The following CHRNB4 variants were observed in gnomAD, a reference collection of about 807,000 sequenced individuals.
The protein encoded by CHRNB4 is neuronal acetylcholine receptor subunit beta-4.
A neutral mutation model predicts 40.4 loss-of-function variants in CHRNB4; 23 were observed. The observed-to-expected ratio is 0.57, with a 90% CI of 0.41 to 0.81. The LOEUF (loss-of-function observed/expected upper bound fraction) is 0.81. Ranked by LOEUF, CHRNB4 falls within the 30% of genes least tolerant of loss-of-function variation. The pLI, the probability that CHRNB4 is intolerant of heterozygous loss-of-function variation, is 0.00. For missense variants in CHRNB4, 568 were observed against 670.6 expected, an observed-to-expected ratio of 0.85 and a Z score of 1.69; for synonymous variants, 285 against 274.4, an observed-to-expected ratio of 1.04 and a Z score of -0.38.
chr15:78,649,395 T>C (rs1297359344), exon 7 of CHRNB4: 1 of 455,332 alleles, frequency 2.2e-6, no homozygotes, highest in African/African-American at 2.0e-5. Context: ...CAATATGATC[T>C]GGAGCTGGGG....
chr15:78,661,165 AC>A, upstream of CHRNB4: 2 of 621,964 alleles, frequency 3.2e-6, no homozygotes, highest in South Asian at 2.7e-5. Flanking sequence ...ATGCCGGTAC[AC>A]CTCTTGGCCC....
At chr15:78,632,209 CT>C (rs1555422162) in intron 2 of CHRNB4, among the ~76,000 whole-genome samples, 1 of 84,754 alleles carries the variant, frequency 1.2e-5, no homozygotes, top group Non-Finnish European at 2.0e-5. Context: ...TTCTTTCTTT[CT>C]TTCTCTTTCT....
At chr15:78,630,038 T>A in intron 4 of CHRNB4, 93 bp from the exon 5 acceptor site, 1 of 1,363,744 alleles carries the variant, frequency 7.3e-7, no homozygotes, top group South Asian at 1.6e-5. Flanking sequence ...TTGGGATTAT[T>A]TCCCACTAAT....
chr15:78,648,855 T>C (rs1283745875), intron 7 of CHRNB4, among the ~76,000 whole-genome samples: 1 of 151,948 alleles, frequency 6.6e-6, no homozygotes, highest in Non-Finnish European at 1.5e-5. Context: ...CACTGCTCAC[T>C]GCTGCATCAA....
rs1271906998 is a variant in CHRNB4 at position 78,634,189 on chromosome 15, C to G, written c.204+1250G>C. 2.0e-5 allele frequency among the ~76,000 whole-genome samples: 3 copies of G among 152,180 alleles called. No individual in the cohort carries two copies. The East Asian group carries it at 5.8e-4, about 29-fold the overall frequency. ...AACTTGCATGGGTGGGGGCTGGTGG[C>G]CGCATCCCCTCCTCCTTCTGGTAGC... On this transcript the variant is annotated intron_variant, in intron 2 of 5. Coordinates refer to ENST00000261751, the MANE Select transcript of CHRNB4 (RefSeq NM_000750.5).
At chr15:78,633,920 G>A (rs1277029265) in intron 2 of CHRNB4, among the ~76,000 whole-genome samples, 3 of 143,276 alleles carry the variant, frequency 2.1e-5, no homozygotes, top group Admixed American at 7.0e-5. Context: ...AATAAGGGGG[G>A]CTGGAGAGGT....
Position 78,625,190 on chromosome 15 carries a change from C to T in CHRNB4, c.1440G>A (p.Pro480=), listed in dbSNP as rs373085107. ...AAGCTGCATGGGTCTGGAAGAGGGG[C>T]GGTAGGAAGAGCCCCACAGTGCCCA... The part of the protein sequence containing the change: ...CVLGTVGLFL[P]PLFQTHAASE... Residue 480 remains proline (P), a synonymous_variant, in exon 6 of 6, where the codon CCG becomes CCA. Transcript: ENST00000261751. 5.5e-5 allele frequency: 89 copies of T among 1,610,576 alleles called. No homozygotes were observed. The Middle Eastern group carries it at 8.3e-4, about 15-fold the overall frequency.
In CHRNB4 at chr15:78,640,790, A is replaced by G. The variant is rs747137375; in HGVS notation, c.55+289T>C. On this transcript the variant is annotated intron_variant, in intron 1 of 5. Coordinates refer to ENST00000261751, the MANE Select transcript of CHRNB4 (RefSeq NM_000750.5). The stretch of plus-strand genomic sequence containing the variant: ...GGTGCCTGCAAAGCCGGTGTCATCC[A>G]GCCCACTGCCCAGCCCACAGACACT... Among the ~76,000 whole-genome samples, 27 of 152,330 alleles carry G rather than the reference A, an allele frequency of 1.8e-4. 1 individual carries two copies. Among genetic ancestry groups the G allele is most frequent in the Non-Finnish European group, 2.8e-4 (19 of 68,028 alleles).
chr15:78,661,445 A>G, upstream of CHRNB4: 1 of 510,916 alleles, frequency 2.0e-6, no homozygotes, highest in South Asian at 1.7e-5. Context: ...GGTTGGTGCG[A>G]CTCATAAACA....
At chr15:78,655,802 T>C (rs2054209113) in intron 4 of CHRNB4, 1 of 152,208 alleles carries the variant, frequency 6.6e-6, no homozygotes, top group African/African-American at 2.4e-5. Flanking sequence ...TGGAATTACA[T>C]TGAGTATATA....
chr15:78,635,389 T>C lies in CHRNB4; in HGVS notation c.204+50A>G, dbSNP rs767582044. 5 of 1,598,592 alleles carry C rather than the reference T, an allele frequency of 3.1e-6. No homozygotes were observed. In the East Asian group the frequency reaches 6.7e-5, roughly 21 times the overall value. Reference sequence around the variant, plus strand: ...CCAATGATCGCCTGGGGCTTGGGCATGAGCGGCCTCTCCACCTGAGCCTGA... The same window carrying C: ...CCAATGATCGCCTGGGGCTTGGGCACGAGCGGCCTCTCCACCTGAGCCTGA... On this transcript the variant is annotated intron_variant, in intron 2 of 5. Coordinates refer to ENST00000261751, the MANE Select transcript of CHRNB4 (RefSeq NM_000750.5).
chr15:78,648,914 G>C (rs75803371), intron 7 of CHRNB4, among the ~76,000 whole-genome samples: 3 of 152,070 alleles, frequency 2.0e-5, no homozygotes, highest in African/African-American at 7.2e-5. Flanking sequence ...AAGTAGCTGA[G>C]ACCACAACCA....
At chr15:78,628,620 C>T (rs1034093129) in intron 5 of CHRNB4, among the ~76,000 whole-genome samples, 8 of 152,230 alleles carry the variant, frequency 5.3e-5, no homozygotes, top group Middle Eastern at 3.4e-3. Flanking sequence ...CGGGTACCCA[C>T]GGCAGTATCC....
chr15:78,660,865 C>T (rs2141415082), upstream of CHRNB4: 1 of 355,978 alleles, frequency 2.8e-6, no homozygotes, highest in Non-Finnish European at 5.4e-6. Context: ...CTCCATCCAG[C>T]TCAGGTGAGT....
intron 1 of CHRNB4, among the ~76,000 whole-genome samples, chr15:78,659,199 C>G (rs2054234553): frequency 6.6e-6 from 1 of 152,138 alleles, no homozygotes; most frequent in Non-Finnish European, 1.5e-5. Flanking sequence ...GAGCCTGAAG[C>G]AGGTGGGTCA....
chr15:78,638,548 C>A (rs2141393860), intron 1 of CHRNB4, among the ~76,000 whole-genome samples: 1 of 152,190 alleles, frequency 6.6e-6, no homozygotes, highest in East Asian at 1.9e-4. Flanking sequence ...CCCCACAGAG[C>A]CTGGAAATGG....
At chr15:78,643,000 G>A (rs2054094202), upstream of CHRNB4, among the ~76,000 whole-genome samples, 1 of 151,780 alleles carries the variant, frequency 6.6e-6, no homozygotes, top group Non-Finnish European at 1.5e-5. Flanking sequence ...ATATAAAGGG[G>A]GAAAATAACC....
rs759435498 is a variant in CHRNB4 at position 78,629,195 on chromosome 15, G to A, written c.1110C>T (p.Pro370=). The part of the protein sequence containing the change: ...FPPSKSCVTK[P]EATATSTSPS... ...GGCTGGTGGAGGTGGCGGTGGCCTC[G>A]GGCTTGGTCACGCATGACTTGCTGG... The change falls in exon 5 of 6, where the codon CCC becomes CCT. Residue 370 remains proline, a synonymous_variant. Transcript: ENST00000261751. The surrounding 1 kb of genome is among the most constrained non-coding windows in gnomAD (Gnocchi z 6.8). The A allele has an allele frequency of 1.4e-5, 23 of 1,613,680 alleles. No individual in the cohort carries two copies. Among genetic ancestry groups the A allele is most frequent in the Middle Eastern group, 1.6e-4 (1 of 6,084 alleles).
chr15:78,631,471 G>A, intron 2 of CHRNB4, 139 bp from the exon 3 acceptor site: 1 of 735,522 alleles, frequency 1.4e-6, no homozygotes, highest in Non-Finnish European at 2.3e-6. Flanking sequence ...TGGCCCAAAG[G>A]CATGTCACAC....
Sources: gnomAD v4.1 joint callset for allele counts (sites outside exome capture counted in the v4.1 genomes callset) on GRCh38, gnomAD v4.1.1 for gene constraint, Gnocchi (gnomAD v3.1) non-coding constraint, MANE v1.5 for transcripts, NCBI Gene and HGNC (gene_info 2026-07-23, HGNC 2026-07-21) for gene names.